The following CWF19L2 variants were observed in gnomAD, a reference collection of about 807,000 sequenced individuals.
CWF19L2 encodes the protein CWF19 like cell cycle control factor 2.
Under a neutral mutation model 111.7 loss-of-function variants are expected in CWF19L2, and 98 were observed. The observed-to-expected ratio is 0.88, with a 90% CI of 0.75 to 1.04. The LOEUF (loss-of-function observed/expected upper bound fraction) is 1.04. Among genes scored for constraint, CWF19L2 ranks in the 50% least tolerant of loss-of-function variants. The pLI, the probability that CWF19L2 is intolerant of heterozygous loss-of-function variation, is 0.00. For synonymous variants in CWF19L2, 351 were observed against 342.9 expected, an observed-to-expected ratio of 1.02 and a Z score of -0.26; for missense variants, 1,101 against 1,051.4, an observed-to-expected ratio of 1.05 and a Z score of -0.65.
intron 12 of CWF19L2, among the ~76,000 whole-genome samples, chr11:107,362,966 A>G (rs1056937297): frequency 6.6e-6 from 1 of 152,132 alleles, no homozygotes; most frequent in South Asian, 2.1e-4. Flanking sequence ...ACCAATACAG[A>G]GAAGTGCTTA....
At chr11:107,442,882 G>GGAAGGA in intron 4 of CWF19L2, 57 bp downstream of exon 4, 3 of 706,616 alleles carry the variant, frequency 4.2e-6, no homozygotes, top group African/African-American at 2.3e-5. Flanking sequence ...GGGAGGGAGG[G>GGAAGGA]AGGAAGGAAG....
intron 14 of CWF19L2, among the ~76,000 whole-genome samples, chr11:107,344,315 C>T (rs1860047257): frequency 1.3e-5 from 2 of 152,196 alleles, no homozygotes; most frequent in Admixed American, 1.3e-4. Context: ...TTAGTCAAAA[C>T]TTCTTTCCTC....
chr11:107,428,708 G>T (rs1861414834), intron 8 of CWF19L2, 91 bp downstream of exon 8: 5 of 997,994 alleles, frequency 5.0e-6, no homozygotes, highest in Non-Finnish European at 7.5e-6. Context: ...TGAGATCATA[G>T]TCACAGCTAA....
chr11:107,390,226 A>G lies in CWF19L2; in HGVS notation c.1735-15T>C, dbSNP rs77104757. 3.1e-3 allele frequency: 4,944 copies of G among 1,572,108 alleles called. 136 individuals carry two copies. In the African/African-American group the frequency reaches 0.06, roughly 19 times the overall value. On this transcript the variant is annotated splice_polypyrimidine_tract_variant and intron_variant, in intron 11 of 17. Transcript: ENST00000282251. ...TGGGTTGAAACCTATGACAAAATGA[A>G]CATTATTAATTTAATGAAAACATGA...
At chr11:107,350,816 G>A (rs1290891298) in intron 13 of CWF19L2, among the ~76,000 whole-genome samples, 1 of 152,046 alleles carries the variant, frequency 6.6e-6, no homozygotes, top group Non-Finnish European at 1.5e-5. Context: ...TACCTTCTAG[G>A]GTAACATTTG....
intron 8 of CWF19L2, among the ~76,000 whole-genome samples, chr11:107,420,959 C>T (rs2135401669): frequency 6.6e-6 from 1 of 152,068 alleles, no homozygotes; most frequent in African/African-American, 2.4e-5. Flanking sequence ...AATGGACATC[C>T]ATAGAACACA....
At chr11:107,361,355 T>C (rs1314517415) in intron 12 of CWF19L2, among the ~76,000 whole-genome samples, 8 of 152,252 alleles carry the variant, frequency 5.3e-5, no homozygotes, top group African/African-American at 1.7e-4. Context: ...TTGGTTACTA[T>C]AGCGTTTTCA....
At chr11:107,385,132 A>C (rs1389519202) in intron 12 of CWF19L2, among the ~76,000 whole-genome samples, 1 of 152,106 alleles carries the variant, frequency 6.6e-6, no homozygotes, top group Non-Finnish European at 1.5e-5. Flanking sequence ...TTTTTAGCAG[A>C]GCTGATTTTA....
At chr11:107,438,284 G>A (rs1204947606) in intron 6 of CWF19L2, among the ~76,000 whole-genome samples, 3 of 152,072 alleles carry the variant, frequency 2.0e-5, no homozygotes, top group Non-Finnish European at 4.4e-5. Context: ...ACACTTAATG[G>A]GAATATAAGT....
chr11:107,380,058 A>AT (rs1860660734), intron 12 of CWF19L2, among the ~76,000 whole-genome samples: 1 of 150,186 alleles, frequency 6.7e-6, no homozygotes, highest in Non-Finnish European at 1.5e-5. Flanking sequence ...AAAAAAAAAA[A>AT]AAAAAAAAAA....
At chr11:107,350,765 G>A (rs1363671760) in intron 13 of CWF19L2, among the ~76,000 whole-genome samples, 1 of 152,172 alleles carries the variant, frequency 6.6e-6, no homozygotes, top group African/African-American at 2.4e-5. Flanking sequence ...AAAAGGTATA[G>A]ATAGTGTCTA....
At chr11:107,448,969 A>G (rs1023043535) in intron 3 of CWF19L2, among the ~76,000 whole-genome samples, 1 of 152,118 alleles carries the variant, frequency 6.6e-6, no homozygotes, top group African/African-American at 2.4e-5. Context: ...AATCAATACC[A>G]AGACATATCA....
chr11:107,404,455 C>T (rs919608065), intron 10 of CWF19L2: 16 of 770,950 alleles, frequency 2.1e-5, no homozygotes, highest in Admixed American at 3.4e-5. Context: ...TGTTGGCACC[C>T]GGGTTCCCTC....
chr11:107,363,432 G>A (rs1193488912), intron 12 of CWF19L2, among the ~76,000 whole-genome samples: 3 of 151,922 alleles, frequency 2.0e-5, no homozygotes, highest in East Asian at 1.9e-4. Context: ...GAAAGGTCGG[G>A]TTACCCTCAA....
rs746289126 is a variant in CWF19L2, at chr11:107,428,997, C to T, written c.1235G>A (p.Ser412Asn). 3.1e-6 allele frequency: 5 copies of T among 1,613,636 alleles called. No individual in the cohort carries two copies. Among genetic ancestry groups the T allele is most frequent in the Non-Finnish European group, 3.4e-6 (4 of 1,179,800 alleles). The change falls in exon 8 of 18, where the codon AGT (serine) becomes AAT (asparagine). Residue 412 changes from serine (S) to asparagine (N), a missense_variant. Physicochemically the swap from Ser to Asn is conservative, Grantham distance 46 (BLOSUM62 1). Transcript: ENST00000282251. Reference sequence around the variant, plus strand: ...ACTCCATGATGTTAATCTTTCTTCACTGTTCTTGGTGGGTTTTCTAAAACC... The same window carrying T: ...ACTCCATGATGTTAATCTTTCTTCATTGTTCTTGGTGGGTTTTCTAAAACC... Reference protein sequence around the residue: ...CSGFRKPTKNSEERLTSWSRS... With the variant: ...CSGFRKPTKNNEERLTSWSRS...
chr11:107,433,681 C>A lies in CWF19L2; in HGVS notation c.733G>T (p.Glu245Ter), dbSNP rs1275381932. The change falls in exon 7 of 18, where the codon GAG becomes TAG. Residue 245 changes from glutamate (E) to a stop codon, truncating the protein, a stop_gained. Transcript: ENST00000282251. LOFTEE classifies it high-confidence loss of function. ...KSYLRMKEQA[E>*]KQSRNFEDIV... ...TCCTCAAAGTTTCTACTTTGTTTCT[C>A]AGCTTGTTCCTTCATTCTTAGATAA... 1 of 1,592,828 alleles carries A rather than the reference C, an allele frequency of 6.3e-7. No homozygotes were observed. Among genetic ancestry groups the A allele is most frequent in the Non-Finnish European group, 8.6e-7 (1 of 1,168,922 alleles).
intron 10 of CWF19L2, among the ~76,000 whole-genome samples, chr11:107,412,674 A>C (rs777112710): frequency 1.1e-4 from 16 of 152,164 alleles, no homozygotes; most frequent in Non-Finnish European, 1.9e-4. Flanking sequence ...TGTCCACACA[A>C]AAAACTGCAC....
intron 15 of CWF19L2, 37 bp from the exon 16 acceptor site, chr11:107,334,998 T>C (rs765079540): frequency 3.1e-6 from 4 of 1,296,102 alleles, no homozygotes; most frequent in Admixed American, 3.5e-5. Context: ...AAAAAGAACA[T>C]GTAAGTAAAT....
In CWF19L2 at chr11:107,326,950, CACT is replaced by C. The variant is rs1188146347; in HGVS notation, c.2642_2644del (p.Gln881_Trp882delinsArg). The C allele has an allele frequency of 1.2e-6, 2 of 1,610,972 alleles. No homozygotes were observed. The highest frequency in any genetic ancestry group is 1.7e-5 in the Admixed American group (1 of 59,520). Reference sequence around the variant, plus strand: ...TTTGGTGAAGTCATATGGTTTCCACCACTGAGCAAACTGCAGTGCTTTTTTCCT... The same window carrying C: ...TTTGGTGAAGTCATATGGTTTCCACCGAGCAAACTGCAGTGCTTTTTTCCT... On this transcript the variant is annotated inframe_deletion, in exon 18 of 18. Transcript: ENST00000282251.
Sources: gnomAD v4.1 joint callset for allele counts (sites outside exome capture counted in the v4.1 genomes callset) on GRCh38, gnomAD v4.1.1 for gene constraint, MANE v1.5 for transcripts, NCBI Gene and HGNC (gene_info 2026-07-23, HGNC 2026-07-21) for gene names.